The following GTF2A1 variants were observed in gnomAD, a reference collection of about 807,000 sequenced individuals.
GTF2A1 encodes the protein transcription initiation factor IIA subunit 1.
Under a neutral mutation model 54.1 loss-of-function variants are expected in GTF2A1, and 12 were observed. The observed-to-expected ratio is 0.22, with a 90% CI of 0.14 to 0.36. The LOEUF (loss-of-function observed/expected upper bound fraction) is 0.36, where lower values mean the gene tolerates loss of function less well. Among genes scored for constraint, GTF2A1 ranks in the 10% least tolerant of loss-of-function variants. The pLI is 1.00. For missense variants in GTF2A1, 335 were observed against 442.2 expected (o/e 0.76, Z 2.17); for synonymous variants, 145 against 152.0 (o/e 0.95, Z 0.34).
rs1189163504 is a variant in GTF2A1 at position 81,176,122 on chromosome 14, T to C, written c.*4101A>G. ...TATCTATAACAATGCCATATACTAG[T>C]AAGCAAAGCAAGCAACATTTTTTTT... On this transcript the variant is annotated 3_prime_UTR_variant, in exon 9 of 9. Coordinates refer to ENST00000553612, the MANE Select transcript of GTF2A1 (RefSeq NM_015859.4). The C allele has an allele frequency of 2.0e-5, 3 of 152,168 alleles. No homozygotes were observed. The allele number at this position is 152,168 out of a possible 1,614,324, so 9.4% of individuals were successfully genotyped here.
chr14:81,220,514 G>A lies in GTF2A1; in HGVS notation c.5C>T (p.Ala2Val). The change falls in exon 1 of 9, where the codon GCG becomes GTG. Residue 2 changes from alanine (A) to valine (V), a missense_variant. By Grantham distance (64) the Ala-to-Val change is moderately conservative (BLOSUM62 0). Transcript: ENST00000553612. ...CACGGTGTTTGTATTTGCCGAGTTCGCCATTTCCACACACAACACAAACAA... is the reference window on the plus strand; with the variant it reads ...CACGGTGTTTGTATTTGCCGAGTTCACCATTTCCACACACAACACAAACAA... M[A>V]NSANTNTVPK... 6.4e-7 allele frequency: 1 copy of A among 1,573,556 alleles called. No homozygotes were observed.
intron 7 of GTF2A1, among the ~76,000 whole-genome samples, chr14:81,189,345 G>A (rs896254867): frequency 2.6e-5 from 4 of 152,126 alleles, no homozygotes; most frequent in African/African-American, 9.7e-5. Flanking sequence ...TACCATAGCA[G>A]GAAACATGAA....
At chr14:81,192,212 G>A (rs1393809935) in intron 7 of GTF2A1, among the ~76,000 whole-genome samples, 1 of 152,002 alleles carries the variant, frequency 6.6e-6, no homozygotes, top group Non-Finnish European at 1.5e-5. Context: ...TTATGTTTAA[G>A]CCACATTATA....
At chr14:81,190,093 C>T (rs7144005) in intron 7 of GTF2A1, among the ~76,000 whole-genome samples, 117,395 of 151,842 alleles carry the variant, frequency 0.77, 46,216 homozygotes, top group African/African-American at 0.89. Flanking sequence ...TGATTAACTT[C>T]ATGTTAATCA....
chr14:81,181,941 G>T (rs368113174), intron 8 of GTF2A1, among the ~76,000 whole-genome samples: 7 of 152,288 alleles, frequency 4.6e-5, no homozygotes, highest in African/African-American at 1.7e-4. Flanking sequence ...TGGTTGTGCA[G>T]TGTCTGCTTA....
chr14:81,218,439 T>G (rs1893535100), intron 1 of GTF2A1, among the ~76,000 whole-genome samples: 1 of 152,198 alleles, frequency 6.6e-6, no homozygotes, highest in Admixed American at 6.5e-5. Context: ...AACGAGTAAT[T>G]TAGCAGAATT....
intron 2 of GTF2A1, among the ~76,000 whole-genome samples, chr14:81,210,463 A>C (rs149133431): frequency 1.4e-4 from 22 of 152,306 alleles, no homozygotes; most frequent in Middle Eastern, 3.4e-3. Flanking sequence ...GCAGGAGTTC[A>C]ACACCAGCCT....
chr14:81,198,200 T>C (rs1893030951), intron 4 of GTF2A1, among the ~76,000 whole-genome samples: 1 of 152,174 alleles, frequency 6.6e-6, no homozygotes, highest in South Asian at 2.1e-4. Flanking sequence ...ATCCCAGCAC[T>C]TTAGGAGGCC....
chr14:81,206,652 TG>T (rs1893237525), intron 2 of GTF2A1, among the ~76,000 whole-genome samples: 1 of 152,200 alleles, frequency 6.6e-6, no homozygotes, highest in Non-Finnish European at 1.5e-5. Flanking sequence ...CAGGTTATTC[TG>T]ATGTATGCTA....
chr14:81,199,979 T>C (rs1893068634), intron 4 of GTF2A1, among the ~76,000 whole-genome samples: 1 of 151,824 alleles, frequency 6.6e-6, no homozygotes, highest in African/African-American at 2.4e-5. Context: ...TTAAAAAAAA[T>C]TGGGGCCTTA....
At chr14:81,220,308 C>A (rs1259394172) in intron 1 of GTF2A1, among the ~76,000 whole-genome samples, 181 bp downstream of exon 1, 1 of 145,506 alleles carries the variant, frequency 6.9e-6, no homozygotes, top group African/African-American at 2.5e-5. Flanking sequence ...TCGGCGCCCC[C>A]CCGCGCCCGC....
At chr14:81,220,370 G>A (rs1893601178) in intron 1 of GTF2A1, 119 bp downstream of exon 1, 1 of 474,426 alleles carries the variant, frequency 2.1e-6, no homozygotes, top group Non-Finnish European at 3.2e-6. Flanking sequence ...CGGCGGCGGC[G>A]GCCGCGCGGG....
Position 81,216,425 on chromosome 14 carries a change from C to T in GTF2A1, c.120G>A (p.Met40Ile). The T allele has an allele frequency of 1.4e-6, 2 of 1,383,388 alleles. No homozygotes were observed. The highest frequency in any genetic ancestry group is 2.1e-6 in the Non-Finnish European group (2 of 973,670). The allele number at this position is 1,383,388 out of a possible 1,614,324, so 85.7% of individuals were successfully genotyped here. A position where few individuals can be genotyped will look rare whatever the true frequency, so the allele number is the denominator to read the frequency against. ...AAGACAAACTCACAGTTTTTAGTTC[C>T]ATCAGTACTTGTTCATCCACTCCAT... ...LDDGVDEQVL[M>I]ELKTLWENKL... The change falls in exon 2 of 9, where the codon ATG (methionine) becomes ATA (isoleucine). Residue 40 changes from methionine to isoleucine, a missense_variant. Physicochemically the swap from Met to Ile is conservative, Grantham distance 10. Transcript: ENST00000553612.
At chr14:81,200,886 A>G (rs1028929550) in intron 4 of GTF2A1, among the ~76,000 whole-genome samples, 51 of 51,842 alleles carry the variant, frequency 9.8e-4, no homozygotes, top group Admixed American at 2.1e-3. Flanking sequence ...TGTTTTATCC[A>G]AAAAAAAAAA....
rs1393345568 is a variant in GTF2A1, at chr14:81,204,094, T to C, written c.143A>G (p.Asn48Ser). The change falls in exon 3 of 9, where the codon AAC becomes AGC. Residue 48 changes from asparagine (N) to serine (S), a missense_variant. Transcript: ENST00000553612. ...TACTGCCCTGGACTGCATTAGTTTG[T>C]TTTCCCATAACTAAGGCAAAGAACA... ...VLMELKTLWE[N>S]KLMQSRAVDG... 4 of 1,609,696 alleles carry C rather than the reference T, an allele frequency of 2.5e-6. No individual in the cohort carries two copies. The highest frequency in any genetic ancestry group is 1.7e-5 in the Admixed American group (1 of 59,998).
chr14:81,221,047 G>C (rs1595237851), upstream of GTF2A1: 2 of 153,296 alleles, frequency 1.3e-5, no homozygotes, highest in South Asian at 3.6e-4. Flanking sequence ...GCGTGCGCAG[G>C]CGCGCCGGGG....
Position 81,177,024 on chromosome 14 carries a change from C to T in GTF2A1, c.*3199G>A, listed in dbSNP as rs1208259669. Reference sequence around the variant, plus strand: ...AAAATAGTATACTCTTAGAGGGAGACAACTCTTTTCATTCCTCCATAAAAG... The same window carrying T: ...AAAATAGTATACTCTTAGAGGGAGATAACTCTTTTCATTCCTCCATAAAAG... On this transcript the variant is annotated 3_prime_UTR_variant, in exon 9 of 9. Transcript: ENST00000553612. 6.6e-6 allele frequency: 1 copy of T among 151,770 alleles called. No homozygotes were observed. Among genetic ancestry groups the T allele is most frequent in the African/African-American group, 2.4e-5 (1 of 41,316 alleles). The allele number at this position is 151,770 out of a possible 1,614,324, so 9.4% of individuals were successfully genotyped here. A position where few individuals can be genotyped will look rare whatever the true frequency, so the allele number is the denominator to read the frequency against.
intron 3 of GTF2A1, 146 bp downstream of exon 3, chr14:81,203,754 A>C: frequency 1.5e-6 from 1 of 647,328 alleles, no homozygotes; most frequent in East Asian, 2.7e-5. Flanking sequence ...AAAAAGCCCG[A>C]AATCAACAGA....
rs770703652 is a variant in GTF2A1 at position 81,220,480 on chromosome 14, C to T, written c.30+9G>A. ...GAAGCCCCCGCCGGCCACCGAACCACGTCCTTACCACGGTGTTTGTATTTG... is the reference window on the plus strand; with the variant it reads ...GAAGCCCCCGCCGGCCACCGAACCATGTCCTTACCACGGTGTTTGTATTTG... On this transcript the variant is annotated intron_variant, in intron 1 of 8. Transcript: ENST00000553612. 2 of 1,567,742 alleles carry T rather than the reference C, an allele frequency of 1.3e-6. No homozygotes were observed. Among genetic ancestry groups the T allele is most frequent in the Non-Finnish European group, 1.7e-6 (2 of 1,155,676 alleles).
Sources: allele counts gnomAD v4.1 joint callset (sites outside exome capture counted in the v4.1 genomes callset), GRCh38; gene constraint gnomAD v4.1.1; transcripts MANE v1.5; gene names NCBI Gene and HGNC (gene_info 2026-07-23, HGNC 2026-07-21).